HGD: variants seen among roughly 807,000 people sequenced by gnomAD.
HGD encodes homogentisate 1,2-dioxygenase.
HGD carries 61 observed loss-of-function variants against 60.8 expected under a neutral mutation model. The observed-to-expected ratio is 1.00, with a 90% CI of 0.82 to 1.24. The LOEUF (loss-of-function observed/expected upper bound fraction) is 1.24. HGD is among the 50% of genes most tolerant of loss of function. HGD has a pLI of 0.00. For synonymous variants in HGD, 212 were observed against 187.7 expected, an observed-to-expected ratio of 1.13 and a Z score of -1.06; for missense variants, 542 against 547.1, an observed-to-expected ratio of 0.99 and a Z score of 0.09.
intron 4 of HGD, among the ~76,000 whole-genome samples, chr3:120,658,173 T>A (rs1941557279): frequency 6.6e-6 from 1 of 152,212 alleles, no homozygotes; most frequent in African/African-American, 2.4e-5. Context: ...CTCATTCTAG[T>A]ATTAACTCAA....
At chr3:120,672,542 A>G (rs1370476756) in intron 3 of HGD, among the ~76,000 whole-genome samples, 1 of 152,118 alleles carries the variant, frequency 6.6e-6, no homozygotes, top group African/African-American at 2.4e-5. Flanking sequence ...CATCTGGGGG[A>G]AAAAGGGCTA....
intron 1 of HGD, among the ~76,000 whole-genome samples, chr3:120,681,771 C>A (rs1284338518): frequency 6.6e-6 from 1 of 152,130 alleles, no homozygotes; most frequent in Non-Finnish European, 1.5e-5. Context: ...GGTGTCAGAG[C>A]AGGGGTTGGG....
chr3:120,634,129 G>A lies in HGD; in HGVS notation c.1007-801C>T, dbSNP rs146920250. ...TATCTTTCCTGACTGATTACCTCCC[G>A]GGCTCTGCCTGGATGTGAATGGAAG... On this transcript the variant is annotated intron_variant, in intron 12 of 13. Transcript: ENST00000283871. 8.8e-3 allele frequency among the ~76,000 whole-genome samples: 1,331 copies of A among 152,072 alleles called. 18 individuals carry two copies. The highest frequency in any genetic ancestry group is 0.03 in the African/African-American group (1,225 of 41,450).
intron 4 of HGD, among the ~76,000 whole-genome samples, chr3:120,657,381 G>A (rs765914807): frequency 1.3e-5 from 2 of 152,158 alleles, no homozygotes; most frequent in Non-Finnish European, 2.9e-5. Context: ...AATATTTCCA[G>A]TTAGAATACT....
chr3:120,664,023 T>C (rs541764887), intron 4 of HGD, among the ~76,000 whole-genome samples: 8 of 152,324 alleles, frequency 5.3e-5, no homozygotes, highest in Admixed American at 3.3e-4. Flanking sequence ...AAATTCAGAT[T>C]TGCCTATTCT....
intron 4 of HGD, among the ~76,000 whole-genome samples, chr3:120,665,099 AT>A (rs1559797190): frequency 6.6e-6 from 1 of 152,184 alleles, no homozygotes; most frequent in Non-Finnish European, 1.5e-5. Context: ...AATCCAAGAC[AT>A]TTGTGGAGGG....
chr3:120,636,805 C>A (rs1481420369), intron 12 of HGD, among the ~76,000 whole-genome samples: 1 of 152,152 alleles, frequency 6.6e-6, no homozygotes, highest in Non-Finnish European at 1.5e-5. Flanking sequence ...TATAAAATAG[C>A]TAAATTGGCC....
rs147017317 is a variant in HGD, at chr3:120,670,478, G to A, written c.231C>T (p.Asp77=). 341 of 1,611,244 alleles carry A rather than the reference G, an allele frequency of 2.1e-4. No homozygotes were observed. Among genetic ancestry groups the A allele is most frequent in the East Asian group, 7.4e-4 (33 of 44,872 alleles). ...CCCAGTTGTGAGTGACTTGGCCTTC[G>A]TCAATGGATTCAAAGGGCTTGTGAG... ...SVSHKPFESI[D]EGQVTHNWDE... Residue 77 remains aspartate, a synonymous_variant, in exon 4 of 14, where the codon GAC becomes GAT. Coordinates refer to ENST00000283871, the MANE Select transcript of HGD (RefSeq NM_000187.4).
At chr3:120,672,863 T>C (rs1026937525) in intron 3 of HGD, among the ~76,000 whole-genome samples, 3 of 152,202 alleles carry the variant, frequency 2.0e-5, no homozygotes, top group African/African-American at 7.2e-5. Context: ...TTTATCACAG[T>C]CCACATTTTC....
At chr3:120,641,369 G>A (rs1386829024) in intron 11 of HGD, among the ~76,000 whole-genome samples, 2 of 152,188 alleles carry the variant, frequency 1.3e-5, no homozygotes, top group African/African-American at 4.8e-5. Context: ...CCAATGCTCT[G>A]TAGAGAATGA....
At chr3:120,677,112 G>C (rs1400841294) in intron 1 of HGD, among the ~76,000 whole-genome samples, 1 of 152,174 alleles carries the variant, frequency 6.6e-6, no homozygotes, top group African/African-American at 2.4e-5. Flanking sequence ...CAGCTGAGGA[G>C]GATGTATATT....
At chr3:120,650,711 T>C in intron 6 of HGD, 63 bp downstream of exon 6, 1 of 1,252,384 alleles carries the variant, frequency 8.0e-7, no homozygotes. Context: ...AACCTGGAGT[T>C]TGACTTCTGG....
intron 4 of HGD, among the ~76,000 whole-genome samples, chr3:120,654,135 G>A (rs1337073892): frequency 6.6e-6 from 1 of 152,138 alleles, no homozygotes; most frequent in Non-Finnish European, 1.5e-5. Context: ...ACAGAGCAGA[G>A]TATTTATACC....
At chr3:120,643,184 C>T (rs943543973) in intron 10 of HGD, among the ~76,000 whole-genome samples, 1 of 152,168 alleles carries the variant, frequency 6.6e-6, no homozygotes, top group Non-Finnish European at 1.5e-5. Flanking sequence ...AGTGCAATGG[C>T]ATGATCTTGG....
At position 120,633,228 on chromosome 3, in the gene HGD, G is replaced by T. The variant is rs1165278353; in HGVS notation, c.1107C>A (p.Thr369=). Residue 369 remains threonine, a synonymous_variant, in exon 13 of 14, where the codon ACC becomes ACA. Coordinates refer to ENST00000283871, the MANE Select transcript of HGD (RefSeq NM_000187.4). ...AGCAGTCAGCATCAGGTCCATGGGGGGTCATTGTGCTGTGTAGACTCCCTC... is the reference window on the plus strand; with the variant it reads ...AGCAGTCAGCATCAGGTCCATGGGGTGTCATTGTGCTGTGTAGACTCCCTC... ...PGGGSLHSTM[T]PHGPDADCFE... is the part of the protein sequence containing the mutation. The T allele has an allele frequency of 6.2e-7, 1 of 1,613,940 alleles. No homozygotes were observed. Among genetic ancestry groups the T allele is most frequent in the African/African-American group, 1.3e-5 (1 of 74,866 alleles).
Position 120,638,456 on chromosome 3 carries a change from A to G in HGD, c.1005T>C (p.His335=), listed in dbSNP as rs1940853145. ...TGGCTTGGTAAAAGAGAGACTTACT[A>G]TGGTAATAAGGAGGCCTGAAGGTCT... The part of the protein sequence containing the change: ...ADKTFRPPYY[H]RNCMSEFMGL... The change falls in exon 12 of 14, where the codon CAT becomes CAC. Residue 335 remains histidine, a splice_region_variant and synonymous_variant. Transcript: ENST00000283871. 6.2e-7 allele frequency: 1 copy of G among 1,613,792 alleles called. No homozygotes were observed. The highest frequency in any genetic ancestry group is 1.3e-5 in the African/African-American group (1 of 75,000).
chr3:120,634,690 A>G (rs2107491776), intron 12 of HGD, among the ~76,000 whole-genome samples: 1 of 152,326 alleles, frequency 6.6e-6, no homozygotes, highest in Admixed American at 6.5e-5. Context: ...TGGCAGTGGC[A>G]ACCGTTACAA....
At chr3:120,645,883 C>A (rs1173083174) in intron 9 of HGD, among the ~76,000 whole-genome samples, 7 of 152,206 alleles carry the variant, frequency 4.6e-5, no homozygotes, top group Non-Finnish European at 1.5e-5. Flanking sequence ...TGTTCCCTTT[C>A]CTCTTTACTC....
At chr3:120,672,265 CCT>C (rs1300700028) in intron 3 of HGD, among the ~76,000 whole-genome samples, 2 of 151,990 alleles carry the variant, frequency 1.3e-5, no homozygotes, top group African/African-American at 4.8e-5. Context: ...TAAAGTGTGT[CCT>C]CTCTACCAGG....
Sources: gnomAD v4.1 joint callset for allele counts (sites outside exome capture counted in the v4.1 genomes callset) on GRCh38, gnomAD v4.1.1 for gene constraint, MANE v1.5 for transcripts, NCBI Gene and HGNC (gene_info 2026-07-23, HGNC 2026-07-21) for gene names.